TCF20: variants seen among roughly 807,000 people sequenced by gnomAD.
The protein encoded by TCF20 is transcription factor 20.
A neutral mutation model predicts 148.6 loss-of-function variants in TCF20; 3 were observed. That is an observed-to-expected ratio of 0.02 (90% confidence interval 0.01 to 0.05). The LOEUF is 0.05. Ranked by LOEUF, TCF20 falls within the 10% of genes least tolerant of loss-of-function variation. The pLI, the probability that TCF20 is intolerant of heterozygous loss-of-function variation, is 1.00. For missense variants in TCF20, 2,350 were observed against 2,429.3 expected, an observed-to-expected ratio of 0.97 and a Z score of 0.69; for synonymous variants, 1,049 against 909.5, an observed-to-expected ratio of 1.15 and a Z score of -2.76.
At chr22:42,230,987 C>T (rs760560704) in intron 1 of TCF20, among the ~76,000 whole-genome samples, 5 of 151,876 alleles carry the variant, frequency 3.3e-5, no homozygotes, top group Non-Finnish European at 5.9e-5. Context: ...GGTGAAACCC[C>T]GTCTCTACTA....
chr22:42,211,904 G>A lies in TCF20; in HGVS notation c.3402C>T (p.Ser1134=), dbSNP rs1569147621. Residue 1134 remains serine, a synonymous_variant, in exon 2 of 6, where the codon AGC becomes AGT. Transcript: ENST00000677622. The part of the protein sequence containing the change: ...RQQQFLDRVR[S]PLKNDKDGMM... ...TACCATCTTTGTCATTTTTCAGAGGGCTCCGTACTCTGTCAAGAAACTGCT... is the reference window on the plus strand; with the variant it reads ...TACCATCTTTGTCATTTTTCAGAGGACTCCGTACTCTGTCAAGAAACTGCT... 1 of 1,614,106 alleles carries A rather than the reference G, an allele frequency of 6.2e-7. No individual in the cohort carries two copies. The highest frequency in any genetic ancestry group is 1.7e-5 in the Admixed American group (1 of 60,014).
At chr22:42,168,065 G>C (rs568024435) in intron 5 of TCF20, among the ~76,000 whole-genome samples, 1 of 152,080 alleles carries the variant, frequency 6.6e-6, no homozygotes, top group East Asian at 1.9e-4. Context: ...AGATGCTAGA[G>C]TCTACTAAAT....
chr22:42,193,717 A>G (rs1937457328), intron 2 of TCF20, among the ~76,000 whole-genome samples: 1 of 152,186 alleles, frequency 6.6e-6, no homozygotes, highest in Admixed American at 6.5e-5. Flanking sequence ...TTTACAGGTT[A>G]AGAAATTCAG....
In TCF20 at chr22:42,178,784, T is replaced by C. The variant is rs1020711990; in HGVS notation, c.5749+825A>G. Among the ~76,000 whole-genome samples, 17 of 151,832 alleles carry C rather than the reference T, an allele frequency of 1.1e-4. No individual in the cohort carries two copies. The East Asian group carries it at 3.3e-3, about 29-fold the overall frequency. ...TAGTAGAGACGGGGTTTCACTATTT[T>C]AGCCAGGCTGGTCTTGAACTCCTGA... On this transcript the variant is annotated intron_variant, in intron 3 of 5. Coordinates refer to ENST00000677622, the MANE Select transcript of TCF20 (RefSeq NM_001378418.1).
At chr22:42,255,367 T>C (rs6002663) in intron 1 of TCF20, among the ~76,000 whole-genome samples, 5 of 151,962 alleles carry the variant, frequency 3.3e-5, no homozygotes, top group African/African-American at 1.2e-4. Context: ...TGCGTGCCTG[T>C]AGTCCCAGCT....
rs201990804 is a variant in TCF20, at chr22:42,211,154, A to G, written c.4152T>C (p.Asp1384=). The G allele has an allele frequency of 4.5e-5, 72 of 1,614,202 alleles. No individual in the cohort carries two copies. Among genetic ancestry groups the G allele is most frequent in the Admixed American group, 3.3e-4 (20 of 60,026 alleles). The change falls in exon 2 of 6, where the codon GAT becomes GAC. Residue 1384 remains aspartate (D), a synonymous_variant. Transcript: ENST00000677622. Reference sequence around the variant, plus strand: ...GAGGACCACTCTTCAAAGACAGTATATCATCAAGCGTAACCGTGTCTCCCC... The same window carrying G: ...GAGGACCACTCTTCAAAGACAGTATGTCATCAAGCGTAACCGTGTCTCCCC... ...EAGGDTVTLD[D]ILSLKSGPPE...
chr22:42,219,640 G>C (rs1922167628), intron 1 of TCF20, among the ~76,000 whole-genome samples: 2 of 151,966 alleles, frequency 1.3e-5, no homozygotes, highest in Non-Finnish European at 2.9e-5. Flanking sequence ...CAGATCACTT[G>C]GGCTCAGGAG....
intron 1 of TCF20, among the ~76,000 whole-genome samples, chr22:42,307,431 A>T (rs543072040): frequency 6.6e-6 from 1 of 152,300 alleles, no homozygotes; most frequent in East Asian, 1.9e-4. Context: ...CTGGAGCTAG[A>T]CTATTCCTTC....
In TCF20 at chr22:42,303,306, C is replaced by T. The variant is rs544510832; in HGVS notation, c.-37+40173G>A. 1.8e-4 allele frequency among the ~76,000 whole-genome samples: 28 copies of T among 152,334 alleles called. No homozygotes were observed. The South Asian group carries it at 4.8e-3, about 26-fold the overall frequency. ...CTTATTTAGTCTTCACCACGCGTACCGAGGAGCTGAGGGGTATCCACACTA... is the reference window on the plus strand; with the variant it reads ...CTTATTTAGTCTTCACCACGCGTACTGAGGAGCTGAGGGGTATCCACACTA... On this transcript the variant is annotated intron_variant, in intron 1 of 1. Transcript: ENST00000515426.
chr22:42,173,237 A>G (rs1261173054), intron 3 of TCF20, among the ~76,000 whole-genome samples: 1 of 134,584 alleles, frequency 7.4e-6, no homozygotes, highest in Non-Finnish European at 1.5e-5. Context: ...CATTAAATAC[A>G]TTAATTAAAA....
At chr22:42,342,034 G>T (rs901260456) in intron 1 of TCF20, among the ~76,000 whole-genome samples, 1 of 152,152 alleles carries the variant, frequency 6.6e-6, no homozygotes, top group Admixed American at 6.5e-5. Context: ...TGCTTAGGGG[G>T]TCTAAGACCA....
At chr22:42,256,263 T>C (rs1227885496) in intron 1 of TCF20, among the ~76,000 whole-genome samples, 2 of 152,240 alleles carry the variant, frequency 1.3e-5, no homozygotes, top group East Asian at 3.8e-4. Flanking sequence ...CCACAGACCC[T>C]GAACTCTAAG....
intron 2 of TCF20, among the ~76,000 whole-genome samples, chr22:42,182,703 G>C (rs925882765): frequency 8.5e-5 from 13 of 152,218 alleles, no homozygotes; most frequent in Non-Finnish European, 4.4e-5. Context: ...AGCAGCATCA[G>C]CAACACTCAG....
chr22:42,265,898 A>G (rs947509532), intron 1 of TCF20, among the ~76,000 whole-genome samples: 2 of 152,216 alleles, frequency 1.3e-5, no homozygotes, highest in Admixed American at 1.3e-4. Flanking sequence ...GACGGAATTA[A>G]GTATGAAAAG....
At chr22:42,342,312 C>T (rs566211131) in intron 1 of TCF20, among the ~76,000 whole-genome samples, 51 of 152,226 alleles carry the variant, frequency 3.4e-4, no homozygotes, top group African/African-American at 1.2e-3. Flanking sequence ...ACTGGATGGA[C>T]AGGCAGGTAG....
At chr22:42,261,028 C>T (rs1926001069) in intron 1 of TCF20, among the ~76,000 whole-genome samples, 1 of 152,136 alleles carries the variant, frequency 6.6e-6, no homozygotes, top group Non-Finnish European at 1.5e-5. Context: ...CCCTTTCTAC[C>T]CAAGAAGCAA....
At chr22:42,178,311 C>G (rs1304248857) in intron 3 of TCF20, among the ~76,000 whole-genome samples, 1 of 152,098 alleles carries the variant, frequency 6.6e-6, no homozygotes, top group African/African-American at 2.4e-5. Flanking sequence ...CTTGGGAACC[C>G]CAGTTTATAG....
chr22:42,318,723 C>A (rs536231756), intron 1 of TCF20, among the ~76,000 whole-genome samples: 2 of 152,324 alleles, frequency 1.3e-5, no homozygotes, highest in South Asian at 2.1e-4. Flanking sequence ...AAGCCCAGGG[C>A]TTATGAGGGC....
At chr22:42,193,289 T>G (rs1937431357) in intron 2 of TCF20, among the ~76,000 whole-genome samples, 2 of 137,778 alleles carry the variant, frequency 1.5e-5, no homozygotes, top group African/African-American at 5.3e-5. Flanking sequence ...CCACCTACAC[T>G]TTTTTTTTTT....
Sources: allele counts gnomAD v4.1 joint callset (sites outside exome capture counted in the v4.1 genomes callset), GRCh38; gene constraint gnomAD v4.1.1; transcripts MANE v1.5; gene names NCBI Gene and HGNC (gene_info 2026-07-23, HGNC 2026-07-21).